The following ARHGAP15 variants were observed in gnomAD, a reference collection of about 807,000 sequenced individuals.
The protein encoded by ARHGAP15 is Rho GTPase activating protein 15.
In ARHGAP15, 51 loss-of-function variants were observed where a neutral mutation model predicts 63.7. That is an observed-to-expected ratio of 0.80 (90% CI 0.64 to 1.01). The LOEUF (loss-of-function observed/expected upper bound fraction) is 1.01. Among genes scored for constraint, ARHGAP15 ranks in the 50% least tolerant of loss-of-function variants. The pLI is 0.00. For missense variants in ARHGAP15, 560 were observed against 564.6 expected (o/e 0.99, Z 0.08); for synonymous variants, 191 against 193.8 (o/e 0.99, Z 0.12).
chr2:143,354,477 GA>G (rs2105321787), intron 6 of ARHGAP15, among the ~76,000 whole-genome samples: 1 of 152,174 alleles, frequency 6.6e-6, no homozygotes, highest in East Asian at 1.9e-4. Flanking sequence ...CCTAGAAACG[GA>G]AGGCACCAGT....
chr2:143,654,664 C>T (rs1419530768), intron 12 of ARHGAP15, among the ~76,000 whole-genome samples: 1 of 152,210 alleles, frequency 6.6e-6, no homozygotes, highest in Non-Finnish European at 1.5e-5. Context: ...AAAAGGTTGA[C>T]TGACATTTCT....
intron 12 of ARHGAP15, among the ~76,000 whole-genome samples, chr2:143,674,758 T>A (rs993279653): frequency 6.6e-6 from 1 of 152,224 alleles, no homozygotes; most frequent in Non-Finnish European, 1.5e-5. Flanking sequence ...TGTACAGGCC[T>A]TGATTTTAAA....
chr2:143,486,796 G>GA (rs1487426653), intron 8 of ARHGAP15, among the ~76,000 whole-genome samples: 1 of 152,132 alleles, frequency 6.6e-6, no homozygotes, highest in Non-Finnish European at 1.5e-5. Flanking sequence ...TGAAGACATG[G>GA]AAAAAGTTTG....
chr2:143,690,016 A>C (rs1683522793), intron 12 of ARHGAP15, among the ~76,000 whole-genome samples: 1 of 152,196 alleles, frequency 6.6e-6, no homozygotes, highest in East Asian at 1.9e-4. Context: ...AAACAGCATT[A>C]ACTGTGTAGG....
intron 6 of ARHGAP15, among the ~76,000 whole-genome samples, chr2:143,320,413 C>CCCCCCCCG (rs1683963156): frequency 3.6e-5 from 3 of 83,638 alleles, no homozygotes; most frequent in East Asian, 6.4e-4. Context: ...TCCCCACCCC[C>CCCCCCCCG]CCCCCCCCCA....
intron 13 of ARHGAP15, among the ~76,000 whole-genome samples, chr2:143,736,575 TTTC>T (rs1220781109): frequency 6.6e-6 from 1 of 152,190 alleles, no homozygotes; most frequent in Non-Finnish European, 1.5e-5. Context: ...AAATTTCTCA[TTTC>T]TTCTAAGCTT....
At chr2:143,483,735 C>T (rs1351341407) in intron 8 of ARHGAP15, among the ~76,000 whole-genome samples, 1 of 152,216 alleles carries the variant, frequency 6.6e-6, no homozygotes, top group East Asian at 1.9e-4. Flanking sequence ...TGTTAAGATG[C>T]TCAGAATGAC....
chr2:143,360,567 AT>A (rs1460484859), intron 6 of ARHGAP15, among the ~76,000 whole-genome samples: 2 of 152,204 alleles, frequency 1.3e-5, no homozygotes, highest in Non-Finnish European at 2.9e-5. Flanking sequence ...AAGCAAAGAC[AT>A]TGGACTTGAA....
In ARHGAP15 at chr2:143,514,249, CTT is replaced by C. The variant is rs529822155; in HGVS notation, c.827-5015_827-5014del. Among the ~76,000 whole-genome samples the C allele has an allele frequency of 6.6e-5, 10 of 152,262 alleles. No homozygotes were observed. The South Asian group carries it at 2.1e-3, about 32-fold the overall frequency. ...ATAGTTACTGAATGAATAAAGCAAT[CTT>C]TGCATTATTTACAATATGGAGCACA... On this transcript the variant is annotated intron_variant, in intron 9 of 13. Coordinates refer to ENST00000295095, the MANE Select transcript of ARHGAP15 (RefSeq NM_018460.4).
intron 10 of ARHGAP15, among the ~76,000 whole-genome samples, chr2:143,527,486 A>AG (rs1323024468): frequency 6.6e-6 from 1 of 151,818 alleles, no homozygotes; most frequent in African/African-American, 2.4e-5. Flanking sequence ...TCAGAAAAAA[A>AG]AAATGGAAAA....
intron 13 of ARHGAP15, chr2:143,706,350 T>A (rs1684325778): frequency 6.6e-6 from 1 of 152,196 alleles, no homozygotes; most frequent in Non-Finnish European, 1.5e-5. Context: ...CTTCAGAAAA[T>A]CTATCGTCAA....
At chr2:143,659,530 T>G (rs1681637237) in intron 12 of ARHGAP15, among the ~76,000 whole-genome samples, 1 of 152,220 alleles carries the variant, frequency 6.6e-6, no homozygotes, top group African/African-American at 2.4e-5. Flanking sequence ...GGTCAGCCAG[T>G]CTGATAGCTC....
intron 6 of ARHGAP15, among the ~76,000 whole-genome samples, chr2:143,324,459 GGAA>G (rs2105234732): frequency 1.3e-5 from 2 of 152,224 alleles, no homozygotes; most frequent in South Asian, 4.1e-4. Flanking sequence ...TATTTTCCGT[GGAA>G]GAAATACTTA....
At chr2:143,136,165 T>C (rs1476182262) in intron 1 of ARHGAP15, among the ~76,000 whole-genome samples, 3 of 152,164 alleles carry the variant, frequency 2.0e-5, no homozygotes, top group Non-Finnish European at 4.4e-5. Flanking sequence ...TTCTACTCTT[T>C]CCCTACTACT....
chr2:143,437,862 A>G (rs1385621655), intron 8 of ARHGAP15, among the ~76,000 whole-genome samples: 1 of 152,106 alleles, frequency 6.6e-6, no homozygotes, highest in African/African-American at 2.4e-5. Flanking sequence ...CATCTCTACT[A>G]AAACTACAAA....
intron 6 of ARHGAP15, among the ~76,000 whole-genome samples, chr2:143,432,050 T>C (rs1187491031): frequency 1.3e-5 from 2 of 152,070 alleles, no homozygotes; most frequent in Non-Finnish European, 2.9e-5. Flanking sequence ...TATTTCTGTT[T>C]GGTTATTATT....
intron 13 of ARHGAP15, among the ~76,000 whole-genome samples, chr2:143,760,756 A>AT (rs1686734985): frequency 6.6e-6 from 1 of 152,128 alleles, no homozygotes; most frequent in Non-Finnish European, 1.5e-5. Flanking sequence ...TTTAAAGCTA[A>AT]TTTTTTGCTT....
chr2:143,704,936 G>A (rs1338426484), intron 13 of ARHGAP15, among the ~76,000 whole-genome samples: 1 of 152,146 alleles, frequency 6.6e-6, no homozygotes, highest in African/African-American at 2.4e-5. Flanking sequence ...CTCTTAGCCT[G>A]CTGAACAGAA....
rs141205273 is a variant in ARHGAP15, at chr2:143,167,802, A to G, written c.165+12147A>G. 1.3e-3 allele frequency among the ~76,000 whole-genome samples: 202 copies of G among 152,284 alleles called. 1 individual carries two copies. Among genetic ancestry groups the G allele is most frequent in the African/African-American group, 3.2e-3 (132 of 41,576 alleles). ...GTGGCTCCACCCAGGCAATATGACC[A>G]GAGGTACTTTTTATTTGGTTGGAAT... is the stretch of plus-strand genomic sequence containing the variant. On this transcript the variant is annotated intron_variant, in intron 2 of 13. Coordinates refer to ENST00000295095, the MANE Select transcript of ARHGAP15 (RefSeq NM_018460.4).
Sources: gnomAD v4.1 joint callset for allele counts (sites outside exome capture counted in the v4.1 genomes callset) on GRCh38, gnomAD v4.1.1 for gene constraint, MANE v1.5 for transcripts, NCBI Gene and HGNC (gene_info 2026-07-23, HGNC 2026-07-21) for gene names.